The following NAALADL2 variants were observed in gnomAD, a reference collection of about 807,000 sequenced individuals.
NAALADL2 encodes the protein inactive N-acetylated-alpha-linked acidic dipeptidase-like protein 2.
A neutral mutation model predicts 87.2 loss-of-function variants in NAALADL2; 76 were observed. That is an observed-to-expected ratio of 0.87 (90% CI 0.72 to 1.05). The LOEUF is 1.05. NAALADL2 is among the 50% of genes least tolerant of loss of function. NAALADL2 has a pLI of 0.00. For synonymous variants in NAALADL2, 354 were observed against 331.0 expected (o/e 1.07, Z -0.75); for missense variants, 1,089 against 945.8 (o/e 1.15, Z -1.99).
rs946073778 is a variant in NAALADL2 at position 174,921,371 on chromosome 3, C to T, written c.43+61921C>T. ...AATTTTTTTGTTATTTTTTATTTTA[C>T]GTGGCCTTTATATGATTATGTAATC... On this transcript the variant is annotated intron_variant, in intron 1 of 13. Transcript: ENST00000454872. 5.9e-5 allele frequency among the ~76,000 whole-genome samples: 9 copies of T among 151,990 alleles called. No homozygotes were observed. The East Asian group carries it at 7.7e-4, about 13-fold the overall frequency.
chr3:175,322,040 A>T (rs1759960318), intron 4 of NAALADL2, among the ~76,000 whole-genome samples: 1 of 151,956 alleles, frequency 6.6e-6, no homozygotes. Flanking sequence ...GTCAATCCGA[A>T]GCCAAAAGAA....
chr3:174,743,836 C>G (rs1282005400), intron 3 of NAALADL2, among the ~76,000 whole-genome samples: 2 of 151,718 alleles, frequency 1.3e-5, no homozygotes, highest in Non-Finnish European at 3.0e-5. Context: ...AATTTAGAAT[C>G]TCATCATGTG....
intron 3 of NAALADL2, among the ~76,000 whole-genome samples, chr3:175,238,834 C>T (rs892574478): frequency 2.2e-4 from 33 of 152,186 alleles, no homozygotes; most frequent in Non-Finnish European, 3.8e-4. Context: ...ATTTTGAGTA[C>T]ATTGTGTTTG....
intron 1 of NAALADL2, among the ~76,000 whole-genome samples, chr3:174,488,232 G>A (rs1030932601): frequency 6.6e-6 from 1 of 152,010 alleles, no homozygotes; most frequent in Non-Finnish European, 1.5e-5. Flanking sequence ...CATCACTGCT[G>A]TAATCAAAGA....
At chr3:175,749,140 C>CT (rs1746297369) in intron 12 of NAALADL2, among the ~76,000 whole-genome samples, 3 of 84,968 alleles carry the variant, frequency 3.5e-5, no homozygotes, top group African/African-American at 1.4e-4. Context: ...GAGAAGGGAG[C>CT]GGAGGGGAAG....
At chr3:174,760,603 G>T (rs996031504) in intron 3 of NAALADL2, among the ~76,000 whole-genome samples, 8 of 152,234 alleles carry the variant, frequency 5.3e-5, no homozygotes, top group African/African-American at 1.9e-4. Flanking sequence ...AGCAGGATTT[G>T]TCAGGAAGGC....
At chr3:175,403,492 A>G (rs1005822266) in intron 5 of NAALADL2, among the ~76,000 whole-genome samples, 4 of 152,134 alleles carry the variant, frequency 2.6e-5, no homozygotes, top group Non-Finnish European at 5.9e-5. Context: ...AAGCCTTGGT[A>G]CTAAAATAGA....
At chr3:174,452,937 G>T (rs79801779) in intron 1 of NAALADL2, among the ~76,000 whole-genome samples, 7 of 152,092 alleles carry the variant, frequency 4.6e-5, no homozygotes, top group African/African-American at 1.7e-4. Flanking sequence ...GGACTGAGAT[G>T]ACTGACGTGA....
chr3:174,795,939 T>C lies in NAALADL2; in HGVS notation c.-9+58193T>C, dbSNP rs148899949. Among the ~76,000 whole-genome samples, 6 of 152,342 alleles carry C rather than the reference T, an allele frequency of 3.9e-5. No individual in the cohort carries two copies. In the East Asian group the frequency reaches 7.7e-4, roughly 20 times the overall value. On this transcript the variant is annotated intron_variant, in intron 3 of 3. Coordinates refer to the NAALADL2 transcript ENST00000434257. Reference sequence around the variant, plus strand: ...ATATCTGCATACACATTTTTTGTTATGAAATGCATTGTTTCCCCAAATTTC... The same window carrying C: ...ATATCTGCATACACATTTTTTGTTACGAAATGCATTGTTTCCCCAAATTTC...
intron 10 of NAALADL2, among the ~76,000 whole-genome samples, chr3:175,596,411 T>C (rs920256719): frequency 6.6e-6 from 1 of 151,946 alleles, no homozygotes; most frequent in South Asian, 2.1e-4. Flanking sequence ...TTTGCAACCA[T>C]AGACTCTCAC....
chr3:175,062,001 T>C (rs1332159889), intron 1 of NAALADL2, among the ~76,000 whole-genome samples: 1 of 152,128 alleles, frequency 6.6e-6, no homozygotes, highest in Non-Finnish European at 1.5e-5. Flanking sequence ...CCCAGAAGTT[T>C]CTTGGTAAGT....
chr3:175,422,957 G>A (rs1042735442), intron 5 of NAALADL2, among the ~76,000 whole-genome samples: 1 of 147,064 alleles, frequency 6.8e-6, no homozygotes, highest in Non-Finnish European at 1.5e-5. Context: ...GAAATTAGAA[G>A]ATAGGGGGCA....
intron 1 of NAALADL2, among the ~76,000 whole-genome samples, chr3:174,469,418 T>G (rs565971582): frequency 6.6e-5 from 10 of 151,340 alleles, no homozygotes; most frequent in Non-Finnish European, 1.2e-4. Context: ...CCACCACGGC[T>G]GGCTAATTTT....
intron 3 of NAALADL2, among the ~76,000 whole-genome samples, chr3:175,241,812 C>A (rs1190154681): frequency 6.9e-6 from 1 of 145,242 alleles, no homozygotes; most frequent in Non-Finnish European, 1.5e-5. Context: ...CACTTGATTA[C>A]AACACATGTG....
At chr3:175,616,333 TAAA>T (rs1479720798) in intron 10 of NAALADL2, among the ~76,000 whole-genome samples, 1 of 150,040 alleles carries the variant, frequency 6.7e-6, no homozygotes, top group African/African-American at 2.4e-5. Flanking sequence ...ATAAATATAA[TAAA>T]TAACATTATT....
intron 1 of NAALADL2, among the ~76,000 whole-genome samples, chr3:175,011,376 C>A (rs1202550048): frequency 1.3e-5 from 2 of 151,566 alleles, no homozygotes; most frequent in African/African-American, 2.4e-5. Context: ...AATGTGTAAT[C>A]ATTGACCCAG....
chr3:175,668,619 T>C (rs1256780966), intron 11 of NAALADL2, among the ~76,000 whole-genome samples: 3 of 152,156 alleles, frequency 2.0e-5, no homozygotes, highest in Non-Finnish European at 4.4e-5. Context: ...TTTGTTTCTA[T>C]GTCCAAATCT....
At chr3:175,336,369 C>A (rs1761970816) in intron 5 of NAALADL2, among the ~76,000 whole-genome samples, 1 of 152,150 alleles carries the variant, frequency 6.6e-6, no homozygotes, top group Non-Finnish European at 1.5e-5. Flanking sequence ...TGAGGAATAT[C>A]TGGAATTACT....
At chr3:175,419,605 C>T (rs1364655866) in intron 5 of NAALADL2, among the ~76,000 whole-genome samples, 1 of 151,848 alleles carries the variant, frequency 6.6e-6, no homozygotes, top group Non-Finnish European at 1.5e-5. Context: ...CTCAGAGAGA[C>T]CTGATAAAGA....
Sources: gnomAD v4.1 joint callset for allele counts (sites outside exome capture counted in the v4.1 genomes callset) on GRCh38, gnomAD v4.1.1 for gene constraint, MANE v1.5 for transcripts, NCBI Gene and HGNC (gene_info 2026-07-23, HGNC 2026-07-21) for gene names.